The following MAPK8 variants were observed in gnomAD, a reference collection of about 807,000 sequenced individuals.
The protein encoded by MAPK8 is mitogen-activated protein kinase 8.
In MAPK8, 13 loss-of-function variants were observed where a neutral mutation model predicts 52.9. The ratio of observed to expected loss-of-function variants is 0.25; its 90% CI spans 0.16 to 0.39. MAPK8 has a LOEUF of 0.39. MAPK8 is among the 10% of genes least tolerant of loss of function. The pLI, the probability that MAPK8 is intolerant of heterozygous loss-of-function variation, is 1.00. For missense variants in MAPK8, 300 were observed against 519.2 expected (o/e 0.58, Z 4.10); for synonymous variants, 191 against 169.8 (o/e 1.12, Z -0.97).
At chr10:48,326,439 T>TC (rs1348878005) in intron 1 of MAPK8, among the ~76,000 whole-genome samples, 1 of 152,152 alleles carries the variant, frequency 6.6e-6, no homozygotes, top group Non-Finnish European at 1.5e-5. Context: ...TCCCAGCTCA[T>TC]CTTGTATGTT....
At chr10:48,324,356 A>T (rs908240317) in intron 1 of MAPK8, among the ~76,000 whole-genome samples, 3 of 152,156 alleles carry the variant, frequency 2.0e-5, no homozygotes, top group African/African-American at 7.2e-5. Context: ...ATCACTGGAG[A>T]GTCCTATTCT....
At chr10:48,329,508 CTT>C (rs35984344) in intron 1 of MAPK8, among the ~76,000 whole-genome samples, 1 of 150,028 alleles carries the variant, frequency 6.7e-6, no homozygotes, top group African/African-American at 2.4e-5. Flanking sequence ...ATGAGGCCTC[CTT>C]TTTTTTTAAA....
intron 1 of MAPK8, among the ~76,000 whole-genome samples, chr10:48,369,913 G>A (rs1848396768): frequency 6.6e-6 from 1 of 152,134 alleles, no homozygotes; most frequent in South Asian, 2.1e-4. Context: ...GTGAATATGG[G>A]AAACAGGATT....
At chr10:48,339,715 A>G (rs1845048633) in intron 1 of MAPK8, among the ~76,000 whole-genome samples, 1 of 152,172 alleles carries the variant, frequency 6.6e-6, no homozygotes, top group Non-Finnish European at 1.5e-5. Flanking sequence ...AATCAATAAG[A>G]AAAAATAACT....
At chr10:48,377,049 A>C (rs762631528) in intron 1 of MAPK8, among the ~76,000 whole-genome samples, 5 of 152,216 alleles carry the variant, frequency 3.3e-5, no homozygotes, top group African/African-American at 4.8e-5. Flanking sequence ...AAAAAGGATG[A>C]GTTCATGTCC....
At chr10:48,425,124 A>G in intron 7 of MAPK8, 1 of 722,036 alleles carries the variant, frequency 1.4e-6, no homozygotes, top group Admixed American at 2.0e-5. Flanking sequence ...TAATATTTAT[A>G]TTAACAGTGA....
At chr10:48,320,870 A>T (rs1006226857) in intron 1 of MAPK8, among the ~76,000 whole-genome samples, 2 of 152,142 alleles carry the variant, frequency 1.3e-5, no homozygotes, top group Admixed American at 1.3e-4. Context: ...AATTCTCCAC[A>T]TCCTATTCAA....
At chr10:48,307,422 G>A (rs1172205167) in intron 1 of MAPK8, among the ~76,000 whole-genome samples, 1 of 152,186 alleles carries the variant, frequency 6.6e-6, no homozygotes, top group African/African-American at 2.4e-5. Flanking sequence ...CCCGTGGCTC[G>A]GGTGGGAGGT....
chr10:48,313,438 AAACAAC>A (rs1350846105), intron 1 of MAPK8, among the ~76,000 whole-genome samples: 1 of 152,124 alleles, frequency 6.6e-6, no homozygotes, highest in Admixed American at 6.5e-5. Flanking sequence ...CTGTCTCAAA[AAACAAC>A]AACAACAACA....
chr10:48,437,224 G>A lies in MAPK8; in HGVS notation c.*2195G>A, dbSNP rs551592548. 6 of 152,182 alleles carry A rather than the reference G, an allele frequency of 3.9e-5. No individual in the cohort carries two copies. In the South Asian group the frequency reaches 1.2e-3, roughly 32 times the overall value. The allele number at this position is 152,182 out of a possible 1,614,324, so 9.4% of individuals were successfully genotyped here. ...TAACAAATTATATCCTAAAAACAAG[G>A]TCTCTTTGTTAAATGTTGCATGCCC... On this transcript the variant is annotated 3_prime_UTR_variant, in exon 12 of 12. Coordinates refer to ENST00000374189, the MANE Select transcript of MAPK8 (RefSeq NM_001323329.2).
chr10:48,374,521 C>T (rs1394438803), intron 1 of MAPK8, among the ~76,000 whole-genome samples: 2 of 152,012 alleles, frequency 1.3e-5, no homozygotes, highest in East Asian at 3.9e-4. Context: ...AGAGAGAAGA[C>T]TCAAATAGAT....
intron 1 of MAPK8, among the ~76,000 whole-genome samples, chr10:48,378,722 T>A (rs1056748602): frequency 6.6e-6 from 1 of 151,764 alleles, no homozygotes; most frequent in Non-Finnish European, 1.5e-5. Flanking sequence ...CCTTTTATTT[T>A]TTTAAAATAC....
At chr10:48,338,112 T>C (rs1023453432) in intron 1 of MAPK8, among the ~76,000 whole-genome samples, 5 of 151,768 alleles carry the variant, frequency 3.3e-5, no homozygotes, top group Non-Finnish European at 7.4e-5. Context: ...ACCAGTATCA[T>C]CCCAATATCA....
intron 1 of MAPK8, among the ~76,000 whole-genome samples, chr10:48,369,311 T>C (rs1848343135): frequency 1.3e-5 from 2 of 152,186 alleles, no homozygotes; most frequent in African/African-American, 2.4e-5. Context: ...GAAGTGTATG[T>C]AGATTGGATA....
intron 1 of MAPK8, among the ~76,000 whole-genome samples, chr10:48,332,279 G>A (rs1268649902): frequency 6.6e-6 from 1 of 152,146 alleles, no homozygotes; most frequent in African/African-American, 2.4e-5. Context: ...AGTCTGGGAG[G>A]TCTTCCTCCT....
intron 1 of MAPK8, among the ~76,000 whole-genome samples, chr10:48,350,624 G>T (rs1186230570): frequency 6.6e-6 from 1 of 152,070 alleles, no homozygotes; most frequent in Non-Finnish European, 1.5e-5. Flanking sequence ...TCTCAAAATA[G>T]TAAAAGCTGT....
intron 1 of MAPK8, among the ~76,000 whole-genome samples, chr10:48,354,790 A>T (rs996850399): frequency 2.6e-5 from 4 of 151,046 alleles, no homozygotes; most frequent in Non-Finnish European, 2.9e-5. Flanking sequence ...TGTGTAGGTG[A>T]TCTAAAAAAA....
chr10:48,427,029 T>A lies in MAPK8; in HGVS notation c.997-51T>A, dbSNP rs3730160. 51,148 of 1,367,280 alleles carry A rather than the reference T, an allele frequency of 0.037. 1,096 individuals carry two copies. The highest frequency in any genetic ancestry group is 0.078 in the Middle Eastern group (435 of 5,562). 84.7% of individuals were successfully genotyped at this position (1,367,280 alleles called of 1,614,324 possible). Reference sequence around the variant, plus strand: ...CTAATATTTCAAATAACTACAGAGTTAAAATACTCCCAGCATACTGACTTG... The same window carrying A: ...CTAATATTTCAAATAACTACAGAGTAAAAATACTCCCAGCATACTGACTTG... On this transcript the variant is annotated intron_variant, in intron 9 of 11. Coordinates refer to ENST00000374189, the MANE Select transcript of MAPK8 (RefSeq NM_001323329.2).
intron 1 of MAPK8, among the ~76,000 whole-genome samples, chr10:48,350,253 C>T (rs1846179515): frequency 6.6e-6 from 1 of 152,202 alleles, no homozygotes; most frequent in Non-Finnish European, 1.5e-5. Flanking sequence ...AGAGACTTCT[C>T]CGTAACTCAT....
Sources: allele counts gnomAD v4.1 joint callset (sites outside exome capture counted in the v4.1 genomes callset), GRCh38; gene constraint gnomAD v4.1.1; transcripts MANE v1.5; gene names NCBI Gene and HGNC (gene_info 2026-07-23, HGNC 2026-07-21).